Variants in PHF19 observed in about 807,000 individuals in gnomAD.
PHF19 encodes polycomb like 3.
Under a neutral mutation model 79.8 loss-of-function variants are expected in PHF19, and 21 were observed. The ratio of observed to expected loss-of-function variants is 0.26; its 90% CI spans 0.19 to 0.38. The LOEUF is 0.38. PHF19 is among the 10% of genes least tolerant of loss of function. PHF19 has a pLI of 1.00. For missense variants in PHF19, 445 were observed against 744.2 expected (o/e 0.60, Z 4.68); for synonymous variants, 273 against 296.3 (o/e 0.92, Z 0.81).
chr9:120,897,365 T>A (rs1202828415), upstream of PHF19, among the ~76,000 whole-genome samples: 1 of 152,170 alleles, frequency 6.6e-6, no homozygotes, highest in Non-Finnish European at 1.5e-5. Flanking sequence ...CCACCAGGAC[T>A]CTCCACCTGC....
At chr9:120,880,950 ACTTT>A (rs899800073), upstream of PHF19, among the ~76,000 whole-genome samples, 5 of 152,128 alleles carry the variant, frequency 3.3e-5, no homozygotes, top group Admixed American at 2.0e-4. Context: ...ACAGAGAGAG[ACTTT>A]CTCAAAAACA....
chr9:120,878,219 A>G (rs573846053), upstream of PHF19, among the ~76,000 whole-genome samples: 7 of 152,346 alleles, frequency 4.6e-5, no homozygotes, highest in African/African-American at 1.7e-4. Flanking sequence ...CACACGCACA[A>G]CATGTCATGT....
intron 6 of PHF19, chr9:120,868,220 TGC>T (rs1026094419): frequency 7.9e-5 from 12 of 152,316 alleles, no homozygotes; most frequent in African/African-American, 2.4e-4. Context: ...TACAGGCGTG[TGC>T]CACCGCGCCA....
At chr9:120,892,075 CT>C (rs1564520067) in intron 1 of PHF19, among the ~76,000 whole-genome samples, 1 of 152,256 alleles carries the variant, frequency 6.6e-6, no homozygotes, top group East Asian at 1.9e-4. Context: ...TCAAGTCCCT[CT>C]TTTTTAAAAA....
chr9:120,884,811 C>T (rs2046241138), intron 1 of PHF19, among the ~76,000 whole-genome samples: 1 of 151,644 alleles, frequency 6.6e-6, no homozygotes, highest in Non-Finnish European at 1.5e-5. Flanking sequence ...ATCCCAGCTA[C>T]TCCAGAGGCC....
At chr9:120,881,760 ATTTG>A (rs759896171), upstream of PHF19, among the ~76,000 whole-genome samples, 15 of 151,786 alleles carry the variant, frequency 9.9e-5, no homozygotes, top group Non-Finnish European at 1.8e-4. Context: ...CACCCTTCTT[ATTTG>A]TTTGTTTGTT....
upstream of PHF19, chr9:120,877,409 G>T (rs1430506243): frequency 3.2e-5 from 31 of 960,710 alleles, no homozygotes; most frequent in Non-Finnish European, 3.7e-5. Context: ...GCCCGCGGCC[G>T]CCGGGCTCCG....
At chr9:120,864,702 A>C (rs1378357478) in intron 9 of PHF19, among the ~76,000 whole-genome samples, 3 of 151,910 alleles carry the variant, frequency 2.0e-5, no homozygotes, top group Non-Finnish European at 2.9e-5. Flanking sequence ...AACAAACAAA[A>C]AATTTTATGA....
rs968094087 is a variant in PHF19 at position 120,891,552 on chromosome 9, C to T, written c.42+3236G>A. 1.3e-5 allele frequency among the ~76,000 whole-genome samples: 2 copies of T among 152,102 alleles called. No homozygotes were observed. The highest frequency in any genetic ancestry group is 2.9e-5 in the Non-Finnish European group (2 of 68,020). On this transcript the variant is annotated intron_variant, in intron 1 of 14. Transcript: ENST00000616568. The surrounding 1 kb of genome is among the most constrained non-coding windows in gnomAD (Gnocchi z 4.3). ...GGTTCAAGGTGCAGCCCAGGTGGAG[C>T]GCCACCATAATTTACAGCACACGAC...
In PHF19 at chr9:120,855,981, A is replaced by G. The variant is rs1171896832; in HGVS notation, c.*1963T>C. ...AGGATTGCTCATCCCAGGCTATCTC[A>G]GAAGTCTGGAAAGCAGGCCTAGAAG... On this transcript the variant is annotated 3_prime_UTR_variant, in exon 15 of 15. Coordinates refer to ENST00000373896, the MANE Select transcript of PHF19 (RefSeq NM_015651.3). The G allele has an allele frequency of 6.5e-6, 1 of 152,698 alleles. No homozygotes were observed. The highest frequency in any genetic ancestry group is 6.5e-5 in the Admixed American group (1 of 15,278). The allele number at this position is 152,698 out of a possible 1,614,324, so 9.5% of individuals were successfully genotyped here.
At chr9:120,864,155 A>G in intron 9 of PHF19, 39 bp from the exon 10 acceptor site, 1 of 1,576,208 alleles carries the variant, frequency 6.3e-7, no homozygotes, top group Non-Finnish European at 8.7e-7. Flanking sequence ...AGACCCAGGC[A>G]TATGGCGCAT....
rs2046341057 is a variant in PHF19 at position 120,891,384 on chromosome 9, C to T, written c.42+3404G>A. 6.6e-6 allele frequency among the ~76,000 whole-genome samples: 1 copy of T among 152,124 alleles called. No individual in the cohort carries two copies. Among genetic ancestry groups the T allele is most frequent in the Non-Finnish European group, 1.5e-5 (1 of 68,044 alleles). ...AGAGAACCTTGCTCAATCTTAAGCC[C>T]GCACACCTGCCGTACTTTGGGATCA... On this transcript the variant is annotated intron_variant, in intron 1 of 14. Coordinates refer to the PHF19 transcript ENST00000616568. The surrounding 1 kb of genome is among the most constrained non-coding windows in gnomAD (Gnocchi z 4.3).
At chr9:120,881,382 C>G (rs138317854), upstream of PHF19, among the ~76,000 whole-genome samples, 2 of 152,048 alleles carry the variant, frequency 1.3e-5, no homozygotes, top group African/African-American at 4.8e-5. Flanking sequence ...CTCCTGACCT[C>G]GTGATCCGCC....
chr9:120,898,882 A>T (rs1241820230), upstream of PHF19, among the ~76,000 whole-genome samples: 1 of 152,138 alleles, frequency 6.6e-6, no homozygotes, highest in African/African-American at 2.4e-5. Flanking sequence ...GGCACTAGCT[A>T]AGCACTCCAT....
In PHF19 at chr9:120,861,165, T is replaced by C; in HGVS notation, c.1228A>G (p.Thr410Ala). Residue 410 changes from threonine to alanine, a missense_variant, in exon 13 of 15, where the codon ACC becomes GCC. Around this residue, in one of 5 missense-constraint regions of PHF19, gnomAD observed 125 missense variants for 180.5 expected, o/e 0.69. Coordinates refer to ENST00000373896, the MANE Select transcript of PHF19 (RefSeq NM_015651.3). ...TGGTGGTTGGTGCTCCAGGCTGAGG[T>C]GAAGTCACTCTGTGGACACAGGAAG... ...LEDAIPSSDFTSAWSTNHHLA... is the reference protein window; with the variant it reads ...LEDAIPSSDFASAWSTNHHLA... 6.3e-7 allele frequency: 1 copy of C among 1,593,234 alleles called. No individual in the cohort carries two copies. Among genetic ancestry groups the C allele is most frequent in the Non-Finnish European group, 8.6e-7 (1 of 1,161,014 alleles).
intron 6 of PHF19, chr9:120,868,834 G>A: frequency 9.6e-7 from 1 of 1,043,692 alleles, no homozygotes; most frequent in African/African-American, 1.7e-5. Context: ...TTGGGCGGTC[G>A]CAACCCGCCA....
intron 9 of PHF19, among the ~76,000 whole-genome samples, chr9:120,864,348 T>C (rs1246936460): frequency 1.3e-5 from 2 of 152,152 alleles, no homozygotes; most frequent in African/African-American, 2.4e-5. Flanking sequence ...AAAAAGTCCA[T>C]ACCCTTGACC....
Position 120,869,424 on chromosome 9 carries a change from C to CT in PHF19, c.466-95dup, listed in dbSNP as rs1251033307. On this transcript the variant is annotated intron_variant, in intron 5 of 14. Transcript: ENST00000373896. The surrounding 1 kb of genome is among the most constrained non-coding windows in gnomAD (Gnocchi z 5.8). ...TCTATTGAGGGAAGTGCTGCCAGGG[C>CT]TTGGGGGACCCGCAGATATTCCAAT... The CT allele has an allele frequency of 7.0e-7, 1 of 1,420,984 alleles. No homozygotes were observed. The highest frequency in any genetic ancestry group is 2.4e-5 in the East Asian group (1 of 41,870). The allele number at this position is 1,420,984 out of a possible 1,614,324, so 88.0% of individuals were successfully genotyped here.
chr9:120,896,578 T>A (rs970400928), upstream of PHF19, among the ~76,000 whole-genome samples: 2 of 151,456 alleles, frequency 1.3e-5, no homozygotes, highest in African/African-American at 2.4e-5. Flanking sequence ...CAGCCTCCCG[T>A]GTAGCTGGGA....
Sources: allele counts gnomAD v4.1 joint callset (sites outside exome capture counted in the v4.1 genomes callset), GRCh38; gene constraint gnomAD v4.1.1; regional missense constraint gnomAD v4.1.1; non-coding constraint Gnocchi (gnomAD v3.1); transcripts MANE v1.5; gene names NCBI Gene and HGNC (gene_info 2026-07-23, HGNC 2026-07-21).